Variants in PRDM11 observed in about 807,000 individuals in gnomAD.
The protein encoded by PRDM11 is PR domain-containing protein 11.
A neutral mutation model predicts 97.8 loss-of-function variants in PRDM11; 20 were observed. That is an observed-to-expected ratio of 0.20 (90% CI 0.14 to 0.30). The LOEUF (loss-of-function observed/expected upper bound fraction) is 0.30, where lower values mean the gene tolerates loss of function less well. Ranked by LOEUF, PRDM11 falls within the 10% of genes least tolerant of loss-of-function variation. PRDM11 has a pLI of 1.00. For synonymous variants in PRDM11, 599 were observed against 637.7 expected (o/e 0.94, Z 0.91); for missense variants, 1,139 against 1,555.2 (o/e 0.73, Z 4.50).
chr11:45,161,238 T>C (rs6485595), intron 1 of PRDM11, among the ~76,000 whole-genome samples: 138,117 of 152,298 alleles, frequency 0.91, 63,504 homozygotes, highest in Non-Finnish European at 0.98. Flanking sequence ...TAATGTTACT[T>C]TCCCAGGGTG....
chr11:45,160,459 A>G (rs1231123576), intron 1 of PRDM11, among the ~76,000 whole-genome samples: 1 of 152,198 alleles, frequency 6.6e-6, no homozygotes, highest in Non-Finnish European at 1.5e-5. Context: ...ATCTTTTTCT[A>G]TATGTCAACA....
chr11:45,145,549 CGTGGAT>C (rs1392624392), upstream of PRDM11, among the ~76,000 whole-genome samples: 1 of 152,178 alleles, frequency 6.6e-6, no homozygotes, highest in Non-Finnish European at 1.5e-5. Flanking sequence ...TGCAGGGCTT[CGTGGAT>C]GTTTGGGGAA....
chr11:45,113,433 A>G (rs1291139445), intron 1 of PRDM11, among the ~76,000 whole-genome samples: 2 of 152,060 alleles, frequency 1.3e-5, no homozygotes, highest in African/African-American at 2.4e-5. Context: ...TTGGTTATAC[A>G]GGATTTTTTG....
chr11:45,140,627 G>A (rs1165835985), intron 1 of PRDM11, among the ~76,000 whole-genome samples: 1 of 152,004 alleles, frequency 6.6e-6, no homozygotes, highest in East Asian at 1.9e-4. Flanking sequence ...CCATTGTTTC[G>A]GCACTTCTTA....
At chr11:45,134,168 A>C (rs749191570) in intron 1 of PRDM11, among the ~76,000 whole-genome samples, 4 of 113,140 alleles carry the variant, frequency 3.5e-5, no homozygotes, top group Admixed American at 9.9e-5. Context: ...GACAGTGAAA[A>C]TTTTCTGGAC....
chr11:45,182,426 A>G, intron 3 of PRDM11, 77 bp downstream of exon 3: 2 of 1,330,830 alleles, frequency 1.5e-6, no homozygotes, highest in Non-Finnish European at 2.1e-6. Context: ...AATTCACAAC[A>G]ATGCTACTAA....
At chr11:45,094,891 G>A (rs1053061144), upstream of PRDM11, among the ~76,000 whole-genome samples, 3 of 144,950 alleles carry the variant, frequency 2.1e-5, no homozygotes, top group African/African-American at 7.7e-5. Flanking sequence ...AGGAGGGAAG[G>A]AAGGAAGGGA....
chr11:45,148,489 G>A (rs184257740), intron 1 of PRDM11, among the ~76,000 whole-genome samples: 22 of 152,274 alleles, frequency 1.4e-4, no homozygotes, highest in Non-Finnish European at 2.6e-4. Context: ...AGACCCCACC[G>A]TGGTCCATCC....
intron 1 of PRDM11, among the ~76,000 whole-genome samples, chr11:45,119,663 C>T (rs555817700): frequency 6.9e-6 from 1 of 144,684 alleles, no homozygotes; most frequent in Admixed American, 6.9e-5. Context: ...CTGGTAAGGC[C>T]ATACCAGGAA....
intron 1 of PRDM11, among the ~76,000 whole-genome samples, chr11:45,156,079 G>A (rs1851787323): frequency 6.6e-6 from 1 of 152,198 alleles, no homozygotes; most frequent in Admixed American, 6.5e-5. Flanking sequence ...ATCACAGCAT[G>A]GGACTGGCTT....
chr11:45,193,889 C>G (rs1853005290), intron 4 of PRDM11, among the ~76,000 whole-genome samples: 1 of 152,228 alleles, frequency 6.6e-6, no homozygotes. Context: ...CTTGGCTTCT[C>G]TCTCTGGAGC....
intron 1 of PRDM11, among the ~76,000 whole-genome samples, chr11:45,131,571 G>T (rs999865377): frequency 6.6e-6 from 1 of 152,136 alleles, no homozygotes; most frequent in South Asian, 2.1e-4. Flanking sequence ...GCAGGGTGTT[G>T]TCACACCATT....
intron 3 of PRDM11, 47 bp from the exon 4 acceptor site, chr11:45,182,814 C>A: frequency 1.3e-6 from 2 of 1,530,086 alleles, no homozygotes; most frequent in Non-Finnish European, 1.8e-6. Flanking sequence ...GGGGGTCTTA[C>A]CTCCCTGCAA....
intron 1 of PRDM11, among the ~76,000 whole-genome samples, chr11:45,166,293 C>T (rs1852063462): frequency 6.6e-6 from 1 of 152,178 alleles, no homozygotes; most frequent in South Asian, 2.1e-4. Context: ...TTGGCTGTGC[C>T]CCTGCCCACA....
At chr11:45,147,304 G>GCGGCGCGGACGCC (rs1851541131) in intron 1 of PRDM11, 1 of 151,758 alleles carries the variant, frequency 6.6e-6, no homozygotes, top group African/African-American at 2.4e-5. Context: ...GGCGGGGCGC[G>GCGGCGCGGACGCC]GACGCCGACG....
intron 1 of PRDM11, among the ~76,000 whole-genome samples, chr11:45,097,400 T>C (rs1851900614): frequency 6.6e-6 from 1 of 152,250 alleles, no homozygotes; most frequent in Non-Finnish European, 1.5e-5. Context: ...ATTTGTTACA[T>C]GCCGGCAGAA....
intron 4 of PRDM11, among the ~76,000 whole-genome samples, chr11:45,191,831 T>C (rs11038345): frequency 9.4e-6 from 1 of 106,292 alleles, no homozygotes; most frequent in Non-Finnish European, 2.3e-5. Context: ...ATTATTACTA[T>C]TATTATTATT....
In PRDM11 at chr11:45,177,613, A is replaced by G. The variant is rs372285529; in HGVS notation, c.-6-4148A>G. On this transcript the variant is annotated intron_variant, in intron 1 of 7. Coordinates refer to ENST00000683152, the MANE Select transcript of PRDM11 (RefSeq NM_001384648.1). ...TGTCTATTTCAAAGTAGAGATGTCT[A>G]TGGGCCACTTGAGAGTTGGAATGCA... Among the ~76,000 whole-genome samples the G allele has an allele frequency of 5.3e-5, 8 of 152,298 alleles. No homozygotes were observed. In the South Asian group the frequency reaches 8.3e-4, roughly 16 times the overall value.
chr11:45,139,243 T>C (rs1269359284), intron 1 of PRDM11, among the ~76,000 whole-genome samples: 1 of 152,194 alleles, frequency 6.6e-6, no homozygotes, highest in Non-Finnish European at 1.5e-5. Context: ...CATGAACACT[T>C]TGCAGGACAA....
Sources: allele counts gnomAD v4.1 joint callset (sites outside exome capture counted in the v4.1 genomes callset), GRCh38; gene constraint gnomAD v4.1.1; transcripts MANE v1.5; gene names NCBI Gene and HGNC (gene_info 2026-07-23, HGNC 2026-07-21).